PPP4R4: variants seen among roughly 807,000 people sequenced by gnomAD.
PPP4R4 encodes the protein protein phosphatase 4 regulatory subunit 4, also known as serine/threonine-protein phosphatase 4 regulatory subunit 4.
PPP4R4 carries 70 observed loss-of-function variants against 121.8 expected under a neutral mutation model. The observed-to-expected ratio is 0.57, with a 90% CI of 0.47 to 0.70. PPP4R4 has a LOEUF of 0.70. Ranked by LOEUF, PPP4R4 falls within the 30% of genes least tolerant of loss-of-function variation. PPP4R4 has a pLI of 0.00. For missense variants in PPP4R4, 875 were observed against 1,033.6 expected, an observed-to-expected ratio of 0.85 and a Z score of 2.10; for synonymous variants, 348 against 355.7, an observed-to-expected ratio of 0.98 and a Z score of 0.24.
chr14:94,185,094 A>G (rs927430876), intron 2 of PPP4R4, among the ~76,000 whole-genome samples: 1 of 152,204 alleles, frequency 6.6e-6, no homozygotes, highest in African/African-American at 2.4e-5. Flanking sequence ...TTGTATTGGA[A>G]ATAGTTTAAG....
chr14:94,265,863 A>G lies in PPP4R4; in HGVS notation c.2354A>G (p.Tyr785Cys). The change falls in exon 22 of 25, where the codon TAT (tyrosine) becomes TGT (cysteine). Residue 785 changes from tyrosine to cysteine, a missense_variant. Tyr to Cys is a radical substitution (Grantham distance 194). Transcript: ENST00000304338. ...SFNNQAFHAK[Y>C]GNLEKCASKS... ...AATAATCAAGCTTTTCATGCAAAAT[A>G]TGGCAACTTAGAGAAATGTGCTAGG... The G allele has an allele frequency of 1.2e-6, 2 of 1,603,656 alleles. No homozygotes were observed. Among genetic ancestry groups the G allele is most frequent in the Non-Finnish European group, 1.7e-6 (2 of 1,171,656 alleles).
intron 2 of PPP4R4, among the ~76,000 whole-genome samples, chr14:94,195,013 A>C (rs1024217944): frequency 6.6e-5 from 10 of 152,086 alleles, no homozygotes; most frequent in Non-Finnish European, 1.0e-4. Context: ...TATTACTTTT[A>C]ACATCATTAT....
intron 2 of PPP4R4, among the ~76,000 whole-genome samples, chr14:94,186,314 T>C (rs1889280277): frequency 1.3e-5 from 2 of 152,244 alleles, no homozygotes; most frequent in African/African-American, 2.4e-5. Context: ...TCCGTTACTA[T>C]AAATTAGTTT....
At chr14:94,248,576 A>G (rs1350054876) in intron 14 of PPP4R4, among the ~76,000 whole-genome samples, 1 of 152,322 alleles carries the variant, frequency 6.6e-6, no homozygotes, top group East Asian at 1.9e-4. Flanking sequence ...ACTCTTGAAT[A>G]GCCAGCGCAA....
chr14:94,250,880 G>A (rs552422747), intron 15 of PPP4R4, among the ~76,000 whole-genome samples: 17 of 151,896 alleles, frequency 1.1e-4, no homozygotes, highest in Non-Finnish European at 2.4e-4. Context: ...TGCCCATAAT[G>A]TCTTAATATT....
At chr14:94,233,346 CTT>C (rs958035740) in intron 5 of PPP4R4, among the ~76,000 whole-genome samples, 9 of 152,142 alleles carry the variant, frequency 5.9e-5, no homozygotes, top group Non-Finnish European at 1.0e-4. Flanking sequence ...ATTATTTGCT[CTT>C]TTCTTTTTAA....
At chr14:94,185,507 AAAAC>A (rs137928265) in intron 2 of PPP4R4, among the ~76,000 whole-genome samples, 17,722 of 152,030 alleles carry the variant, frequency 0.12, 1,241 homozygotes, top group African/African-American at 0.19. Context: ...ACCCTGTCTC[AAAAC>A]AAACAAAAAA....
At chr14:94,204,778 T>G (rs376293309) in intron 2 of PPP4R4, among the ~76,000 whole-genome samples, 1 of 152,188 alleles carries the variant, frequency 6.6e-6, no homozygotes, top group East Asian at 1.9e-4. Flanking sequence ...CTACAACTTC[T>G]GTACATATTT....
intron 1 of PPP4R4, among the ~76,000 whole-genome samples, chr14:94,174,805 C>T (rs1567097728): frequency 6.6e-6 from 1 of 152,168 alleles, no homozygotes; most frequent in East Asian, 1.9e-4. Flanking sequence ...CTAGTCTGGA[C>T]CCCCATCCCC....
In PPP4R4 at chr14:94,229,845, TTCTC is replaced by T. The variant is rs558092469; in HGVS notation, c.295-736_295-733del. 1.4e-4 allele frequency among the ~76,000 whole-genome samples: 22 copies of T among 152,246 alleles called. No homozygotes were observed. In the East Asian group the frequency reaches 2.1e-3, roughly 15 times the overall value. On this transcript the variant is annotated intron_variant, in intron 3 of 24. Coordinates refer to ENST00000304338, the MANE Select transcript of PPP4R4 (RefSeq NM_058237.2). ...CATTACACACACAAACACACACACT[TTCTC>T]TCTCTATCTCTCTCTCTCATAGAGA...
chr14:94,231,805 G>A (rs1431472399), intron 5 of PPP4R4, among the ~76,000 whole-genome samples: 1 of 152,076 alleles, frequency 6.6e-6, no homozygotes, highest in African/African-American at 2.4e-5. Flanking sequence ...AGGAATTAAT[G>A]GATCAGAGGG....
At chr14:94,245,796 G>T in intron 13 of PPP4R4, 126 bp downstream of exon 13, 1 of 557,244 alleles carries the variant, frequency 1.8e-6, no homozygotes, top group Non-Finnish European at 3.1e-6. Flanking sequence ...CATAGCAGGT[G>T]GTCAGTAAAA....
At chr14:94,206,323 C>A (rs924841429) in intron 2 of PPP4R4, among the ~76,000 whole-genome samples, 1 of 151,860 alleles carries the variant, frequency 6.6e-6, no homozygotes. Context: ...ACATTATTTT[C>A]CATTCTTTAT....
At chr14:94,251,020 A>G (rs1893152032) in intron 15 of PPP4R4, among the ~76,000 whole-genome samples, 1 of 152,018 alleles carries the variant, frequency 6.6e-6, no homozygotes, top group Non-Finnish European at 1.5e-5. Flanking sequence ...TTTAAGAAAA[A>G]ATATGCTCAG....
At chr14:94,202,085 T>C (rs1890221344) in intron 2 of PPP4R4, among the ~76,000 whole-genome samples, 1 of 152,082 alleles carries the variant, frequency 6.6e-6, no homozygotes. Context: ...TTCTCACTTA[T>C]AAGCAGGAGC....
At chr14:94,218,038 A>T (rs187789523) in intron 3 of PPP4R4, among the ~76,000 whole-genome samples, 2 of 152,318 alleles carry the variant, frequency 1.3e-5, no homozygotes, top group African/African-American at 4.8e-5. Flanking sequence ...GATATCTGAG[A>T]TGACGCATTT....
rs201701181 is a variant in PPP4R4, at chr14:94,242,402, T to C, written c.1260T>C (p.Phe420=). Reference sequence around the variant, plus strand: ...TCAGATACACTATTGCTATTTGCTTTTATGAAGTAAGTCTGAAGACTTGAT... The same window carrying C: ...TCAGATACACTATTGCTATTTGCTTCTATGAAGTAAGTCTGAAGACTTGAT... The part of the protein sequence containing the change: ...VPVRYTIAIC[F]YEVSKLLNSG... Residue 420 remains phenylalanine (F), a synonymous_variant, in exon 11 of 25, where the codon TTT becomes TTC. Transcript: ENST00000304338. The C allele has an allele frequency of 9.9e-6, 16 of 1,609,132 alleles. No homozygotes were observed. The highest frequency in any genetic ancestry group is 1.4e-5 in the Non-Finnish European group (16 of 1,175,846).
chr14:94,254,072 G>T (rs1424465604), intron 16 of PPP4R4, among the ~76,000 whole-genome samples: 1 of 152,126 alleles, frequency 6.6e-6, no homozygotes, highest in Admixed American at 6.5e-5. Flanking sequence ...AATTTATAAA[G>T]TATTCTGAGG....
intron 6 of PPP4R4, 129 bp downstream of exon 6, chr14:94,233,888 T>C: frequency 1.5e-6 from 1 of 649,102 alleles, no homozygotes; most frequent in South Asian, 2.1e-5. Flanking sequence ...ATTTTAACTT[T>C]ATGGAATTCT....
Sources: gnomAD v4.1 joint callset for allele counts (sites outside exome capture counted in the v4.1 genomes callset) on GRCh38, gnomAD v4.1.1 for gene constraint, MANE v1.5 for transcripts, NCBI Gene and HGNC (gene_info 2026-07-23, HGNC 2026-07-21) for gene names.